Variants in SLC24A5 observed in about 807,000 individuals in gnomAD.
SLC24A5 encodes sodium/potassium/calcium exchanger 5.
In SLC24A5, 46 loss-of-function variants were observed where a neutral mutation model predicts 51.6. The observed-to-expected ratio is 0.89, with a 90% CI of 0.70 to 1.14. SLC24A5 has a LOEUF of 1.14. Among genes scored for constraint, SLC24A5 ranks in the 50% most tolerant of loss-of-function variants. SLC24A5 has a pLI of 0.00. For synonymous variants in SLC24A5, 230 were observed against 214.9 expected, an observed-to-expected ratio of 1.07 and a Z score of -0.62; for missense variants, 581 against 604.1, an observed-to-expected ratio of 0.96 and a Z score of 0.40.
intron 8 of SLC24A5, 100 bp downstream of exon 8, chr15:48,141,314 C>A: frequency 1.1e-6 from 1 of 951,814 alleles, no homozygotes; most frequent in Non-Finnish European, 1.6e-6. Flanking sequence ...TGTGGTGGCT[C>A]GCGCCTGTAA....
At chr15:48,130,040 C>G (rs1308928564) in intron 2 of SLC24A5, among the ~76,000 whole-genome samples, 1 of 152,034 alleles carries the variant, frequency 6.6e-6, no homozygotes, top group Non-Finnish European at 1.5e-5. Flanking sequence ...GAAAAAAACA[C>G]ATTTAAGAAA....
intron 2 of SLC24A5, among the ~76,000 whole-genome samples, chr15:48,130,516 C>A (rs1188801855): frequency 6.6e-6 from 1 of 152,144 alleles, no homozygotes; most frequent in East Asian, 1.9e-4. Context: ...TGTTGTCCTT[C>A]CTTGAGACTG....
Position 48,142,492 on chromosome 15 carries a change from A to C in SLC24A5, c.*141A>C. ...CAGTAATTTAAAACCAACCAAAATC[A>C]CATCCTAATTTTTCTGAGCCCTTTC... On this transcript the variant is annotated 3_prime_UTR_variant, in exon 9 of 9. Transcript: ENST00000341459. 1 of 615,878 alleles carries C rather than the reference A, an allele frequency of 1.6e-6. No homozygotes were observed. Among genetic ancestry groups the C allele is most frequent in the Non-Finnish European group, 2.5e-6 (1 of 393,194 alleles). The allele number at this position is 615,878 out of a possible 1,614,324, so 38.2% of individuals were successfully genotyped here.
At chr15:48,134,181 G>C in intron 2 of SLC24A5, 77 bp from the exon 3 acceptor site, 1 of 1,170,060 alleles carries the variant, frequency 8.5e-7, no homozygotes, top group East Asian at 2.4e-5. Flanking sequence ...CTGTAGCTTT[G>C]AGTATCTATT....
At chr15:48,124,615 T>TA (rs1279276748) in intron 2 of SLC24A5, 1 of 152,070 alleles carries the variant, frequency 6.6e-6, no homozygotes, top group Non-Finnish European at 1.5e-5. Context: ...GAAAAATAAA[T>TA]AAAAAACCTT....
chr15:48,131,464 TTC>T (rs2038789436), intron 2 of SLC24A5, among the ~76,000 whole-genome samples: 1 of 151,628 alleles, frequency 6.6e-6, no homozygotes, highest in African/African-American at 2.4e-5. Context: ...AGGGGGTGAG[TTC>T]TCTCTCTTTA....
Position 48,135,067 on chromosome 15 carries a change from A to G in SLC24A5, c.590+83A>G, listed in dbSNP as rs571165741. 7.3e-5 allele frequency: 78 copies of G among 1,075,714 alleles called. No homozygotes were observed. The Admixed American group carries it at 1.5e-3, about 20-fold the overall frequency. The allele number at this position is 1,075,714 out of a possible 1,614,324, so 66.6% of individuals were successfully genotyped here. A position where few individuals can be genotyped will look rare whatever the true frequency, so the allele number is the denominator to read the frequency against. On this transcript the variant is annotated intron_variant, in intron 5 of 8. Coordinates refer to ENST00000341459, the MANE Select transcript of SLC24A5 (RefSeq NM_205850.3). ...TCAGTAATTTTTTTTCAGAAATGTT[A>G]TTTCAGTCACTTAATCTGCCACTTC...
Position 48,134,461 on chromosome 15 carries a change from GGCATTA to G in SLC24A5, c.416_421del (p.Ile139_Ser140del), listed in dbSNP as rs781124977. On this transcript the variant is annotated inframe_deletion, in exon 4 of 9. Coordinates refer to ENST00000341459, the MANE Select transcript of SLC24A5 (RefSeq NM_205850.3). The stretch of plus-strand genomic sequence containing the variant: ...TGTATTTATCACAAAGGGAGATATT[GGCATTA>G]GCACCATCCTTGGATCTGCAATTTA... 5.6e-6 allele frequency: 9 copies of G among 1,613,310 alleles called. No individual in the cohort carries two copies.
intron 7 of SLC24A5, chr15:48,139,718 T>C (rs1597270318): frequency 6.6e-6 from 1 of 152,178 alleles, no homozygotes; most frequent in East Asian, 1.9e-4. Flanking sequence ...AAGACTTAAC[T>C]AGCTACTGCT....
intron 2 of SLC24A5, among the ~76,000 whole-genome samples, chr15:48,132,335 T>C (rs1255931504): frequency 6.6e-6 from 1 of 152,074 alleles, no homozygotes; most frequent in Non-Finnish European, 1.5e-5. Context: ...TTTCTCTCTC[T>C]CCCCTCCCTG....
At chr15:48,141,372 T>A (rs1597275915) in intron 8 of SLC24A5, 158 bp downstream of exon 8, 6 of 504,870 alleles carry the variant, frequency 1.2e-5, no homozygotes, top group Non-Finnish European at 2.2e-5. Context: ...AGGTCAGGAG[T>A]TTGAGACCAG....
rs578254111 is a variant in SLC24A5 at position 48,141,437 on chromosome 15, C to T, written c.1180+223C>T. On this transcript the variant is annotated intron_variant, in intron 8 of 8. Coordinates refer to ENST00000341459, the MANE Select transcript of SLC24A5 (RefSeq NM_205850.3). ...ACTAAAAATACAAAAATTAGCCGGGCGTGGTGGCATGTGCCTGTAATCCCA... is the reference window on the plus strand; with the variant it reads ...ACTAAAAATACAAAAATTAGCCGGGTGTGGTGGCATGTGCCTGTAATCCCA... The T allele has an allele frequency of 1.4e-4, 44 of 325,268 alleles. 1 individual carries two copies. The highest frequency in any genetic ancestry group is 6.5e-4 in the South Asian group (20 of 30,748). The allele number at this position is 325,268 out of a possible 1,614,324, so 20.1% of individuals were successfully genotyped here.
At chr15:48,138,500 T>C (rs1466513103) in intron 6 of SLC24A5, 1 of 152,666 alleles carries the variant, frequency 6.6e-6, no homozygotes, top group African/African-American at 2.4e-5. Flanking sequence ...TGCGACTTAA[T>C]AAAAAAATTA....
At chr15:48,132,728 C>T (rs2038804188) in intron 2 of SLC24A5, among the ~76,000 whole-genome samples, 1 of 152,038 alleles carries the variant, frequency 6.6e-6, no homozygotes, top group Non-Finnish European at 1.5e-5. Flanking sequence ...TGGGAATTTT[C>T]AAAATCTGGG....
At chr15:48,134,108 A>C in intron 2 of SLC24A5, 150 bp from the exon 3 acceptor site, 1 of 679,060 alleles carries the variant, frequency 1.5e-6, no homozygotes. Context: ...AAAGAAGCAA[A>C]ACATTGGACT....
chr15:48,123,516 A>T (rs2038700851), intron 2 of SLC24A5: 1 of 152,190 alleles, frequency 6.6e-6, no homozygotes, highest in Non-Finnish European at 1.5e-5. Context: ...TTTTAATGAT[A>T]TCATGATAGT....
At position 48,136,863 on chromosome 15, in the gene SLC24A5, C is replaced by T. The variant is rs745430668; in HGVS notation, c.771C>T (p.Phe257=). The T allele has an allele frequency of 1.9e-6, 3 of 1,613,824 alleles. No individual in the cohort carries two copies. Among genetic ancestry groups the T allele is most frequent in the East Asian group, 2.2e-5 (1 of 44,880 alleles). Residue 257 remains phenylalanine, a synonymous_variant, in exon 6 of 9, where the codon TTC becomes TTT. Coordinates refer to ENST00000341459, the MANE Select transcript of SLC24A5 (RefSeq NM_205850.3). ...GCTGGGAAGATGAAGGTCAACCATT[C>T]ATTCGTCGGCAATCAAGAACTGATA... is the stretch of plus-strand genomic sequence containing the variant. ...LMGWEDEGQP[F]IRRQSRTDSG... is the part of the protein sequence containing the mutation.
Position 48,130,206 on chromosome 15 carries a change from A to T in SLC24A5, c.302-4052A>T, listed in dbSNP as rs1030037199. On this transcript the variant is annotated intron_variant, in intron 2 of 8. Coordinates refer to ENST00000341459, the MANE Select transcript of SLC24A5 (RefSeq NM_205850.3). ...TATTCCTTTAGAGTAATAGAGGAAA[A>T]AAAGAATAATAGCTATGGGAGGAAA... Among the ~76,000 whole-genome samples the T allele has an allele frequency of 4.6e-4, 70 of 152,146 alleles. 1 individual carries two copies. Among genetic ancestry groups the T allele is most frequent in the Non-Finnish European group, 6.6e-4 (45 of 67,982 alleles).
chr15:48,129,775 T>TA (rs2038770267), intron 2 of SLC24A5, among the ~76,000 whole-genome samples: 1 of 151,892 alleles, frequency 6.6e-6, no homozygotes, highest in African/African-American at 2.4e-5. Flanking sequence ...TGTAGAGTCT[T>TA]AAAGCATAGA....
Sources: gnomAD v4.1 joint callset for allele counts (sites outside exome capture counted in the v4.1 genomes callset) on GRCh38, gnomAD v4.1.1 for gene constraint, MANE v1.5 for transcripts, NCBI Gene and HGNC (gene_info 2026-07-23, HGNC 2026-07-21) for gene names.